Variants in WWOX observed in about 807,000 individuals in gnomAD.
The protein encoded by WWOX is WW domain containing oxidoreductase, also known as WW domain-containing oxidoreductase.
Under a neutral mutation model 46.2 loss-of-function variants are expected in WWOX, and 69 were observed. The ratio of observed to expected loss-of-function variants is 1.49; its 90% confidence interval spans 1.23 to 1.82. WWOX has a LOEUF of 1.82. Among genes scored for constraint, WWOX ranks in the 40% most tolerant of loss-of-function variants. The pLI is 0.00. For synonymous variants in WWOX, 359 were observed against 202.6 expected, an observed-to-expected ratio of 1.77 and a Z score of -6.56; for missense variants, 919 against 542.6, an observed-to-expected ratio of 1.69 and a Z score of -6.89.
intron 6 of WWOX, among the ~76,000 whole-genome samples, chr16:78,397,411 T>C (rs890328451): frequency 6.6e-6 from 1 of 152,196 alleles, no homozygotes; most frequent in African/African-American, 2.4e-5. Flanking sequence ...GGCAGAAGAA[T>C]GGCAGTGTTT....
chr16:79,209,389 G>A (rs1268496353), intron 8 of WWOX, among the ~76,000 whole-genome samples: 2 of 152,202 alleles, frequency 1.3e-5, no homozygotes, highest in Non-Finnish European at 2.9e-5. Flanking sequence ...ATCAGGTTAG[G>A]AAGAATTCTG....
chr16:78,116,854 A>G (rs183081481), intron 4 of WWOX, among the ~76,000 whole-genome samples: 1 of 152,326 alleles, frequency 6.6e-6, no homozygotes, highest in East Asian at 1.9e-4. Flanking sequence ...AATGAGTAAG[A>G]TATGTGACTA....
At chr16:79,164,705 T>C (rs1597436934) in intron 8 of WWOX, among the ~76,000 whole-genome samples, 1 of 152,342 alleles carries the variant, frequency 6.6e-6, no homozygotes, top group Admixed American at 6.5e-5. Context: ...AATTAAATAC[T>C]GGAGTGTCAG....
At chr16:78,359,843 A>T (rs2081372141) in intron 5 of WWOX, among the ~76,000 whole-genome samples, 1 of 152,180 alleles carries the variant, frequency 6.6e-6, no homozygotes, top group Non-Finnish European at 1.5e-5. Context: ...GGGAGAGGTG[A>T]CTATGGACTT....
At chr16:78,484,154 AT>A (rs2084568738) in intron 8 of WWOX, among the ~76,000 whole-genome samples, 1 of 152,204 alleles carries the variant, frequency 6.6e-6, no homozygotes. Context: ...GTATAAACAT[AT>A]GAATTTGTAG....
At chr16:79,107,042 C>G (rs950660189) in intron 8 of WWOX, among the ~76,000 whole-genome samples, 17 of 152,046 alleles carry the variant, frequency 1.1e-4, no homozygotes, top group African/African-American at 3.6e-4. Context: ...ATCTCCTGAC[C>G]TCAGGTGATG....
In WWOX at chr16:78,387,017, C is replaced by G. The variant is rs1157670178; in HGVS notation, c.605+69C>G. 7.5e-6 allele frequency: 11 copies of G among 1,470,278 alleles called. No homozygotes were observed. In the Admixed American group the frequency reaches 1.8e-4, roughly 25 times the overall value. 91.1% of individuals were successfully genotyped at this position (1,470,278 alleles called of 1,614,324 possible). Reference sequence around the variant, plus strand: ...TTGTAATATCTTTATCAGATGAACACAATTGGGAGAATGCAAGGCTGTTGT... The same window carrying G: ...TTGTAATATCTTTATCAGATGAACAGAATTGGGAGAATGCAAGGCTGTTGT... On this transcript the variant is annotated intron_variant, in intron 6 of 8. Coordinates refer to ENST00000566780, the MANE Select transcript of WWOX (RefSeq NM_016373.4).
intron 5 of WWOX, among the ~76,000 whole-genome samples, chr16:78,229,502 A>G (rs1440503705): frequency 9.4e-6 from 1 of 105,930 alleles, no homozygotes; most frequent in East Asian, 3.3e-4. Flanking sequence ...ATATTTATCT[A>G]TATCTATATA....
At chr16:78,203,753 G>C (rs530078434) in intron 5 of WWOX, among the ~76,000 whole-genome samples, 1 of 152,174 alleles carries the variant, frequency 6.6e-6, no homozygotes, top group Non-Finnish European at 1.5e-5. Context: ...CAATGTTCAA[G>C]AAGGTCTTGG....
chr16:78,671,477 C>T (rs1400126570), intron 8 of WWOX, among the ~76,000 whole-genome samples: 1 of 152,156 alleles, frequency 6.6e-6, no homozygotes, highest in African/African-American at 2.4e-5. Flanking sequence ...AGACAATTTG[C>T]CTGTGGCCCT....
intron 8 of WWOX, among the ~76,000 whole-genome samples, chr16:78,886,710 T>C (rs1251005400): frequency 2.0e-5 from 3 of 150,606 alleles, no homozygotes; most frequent in African/African-American, 4.9e-5. Flanking sequence ...GAAAAACATA[T>C]AGAGAAAGAA....
intron 8 of WWOX, among the ~76,000 whole-genome samples, chr16:78,875,233 G>A (rs751844003): frequency 1.3e-5 from 2 of 152,076 alleles, no homozygotes; most frequent in African/African-American, 2.4e-5. Flanking sequence ...AGTGTTGGAT[G>A]TTCACCGCTT....
At chr16:79,028,247 C>T (rs1303716868) in intron 8 of WWOX, among the ~76,000 whole-genome samples, 1 of 151,874 alleles carries the variant, frequency 6.6e-6, no homozygotes, top group Non-Finnish European at 1.5e-5. Flanking sequence ...CCACGCCCGA[C>T]TGCTTTATTT....
intron 8 of WWOX, among the ~76,000 whole-genome samples, chr16:79,063,067 T>C (rs1376038343): frequency 6.6e-6 from 1 of 152,192 alleles, no homozygotes; most frequent in Non-Finnish European, 1.5e-5. Flanking sequence ...ACCATTATAC[T>C]GTTTGAAAGT....
At chr16:78,511,234 C>T (rs2085352706) in intron 8 of WWOX, among the ~76,000 whole-genome samples, 1 of 152,216 alleles carries the variant, frequency 6.6e-6, no homozygotes, top group Non-Finnish European at 1.5e-5. Flanking sequence ...CTCCCCAGCG[C>T]ACACATCACC....
At chr16:78,957,789 G>A (rs1029457225) in intron 8 of WWOX, among the ~76,000 whole-genome samples, 4 of 152,196 alleles carry the variant, frequency 2.6e-5, no homozygotes, top group African/African-American at 9.6e-5. Flanking sequence ...GGACTCTCTT[G>A]TCCTGTTTTA....
intron 5 of WWOX, among the ~76,000 whole-genome samples, chr16:78,297,135 A>G (rs4569296): frequency 0.71 from 107,897 of 152,014 alleles, 39,057 homozygotes; most frequent in East Asian, 1. Context: ...TTCGTTTGGT[A>G]TCCTGGGGAG....
At position 78,422,672 on chromosome 16, in the gene WWOX, TATATATATATATACAC is replaced by T. The variant is rs113924559; in HGVS notation, c.606-2196_606-2181del. ...CCTGTTTTTTTTACATGTATATATA[TATATATATATATACAC>T]ACACACACACACATATATATATACA... is the stretch of plus-strand genomic sequence containing the variant. On this transcript the variant is annotated intron_variant, in intron 6 of 8. Coordinates refer to ENST00000566780, the MANE Select transcript of WWOX (RefSeq NM_016373.4). Among the ~76,000 whole-genome samples the T allele has an allele frequency of 9.3e-3, 606 of 65,400 alleles. 7 individuals are homozygous for T. The highest frequency in any genetic ancestry group is 0.037 in the African/African-American group (571 of 15,386). 42.9% of individuals were successfully genotyped at this position (65,400 alleles called of 152,430 possible). A position where few individuals can be genotyped will look rare whatever the true frequency, so the allele number is the denominator to read the frequency against.
At chr16:78,518,012 T>G (rs1228292818) in intron 8 of WWOX, among the ~76,000 whole-genome samples, 4 of 151,954 alleles carry the variant, frequency 2.6e-5, no homozygotes, top group Non-Finnish European at 5.9e-5. Context: ...TGGTTTGTAT[T>G]CCAGCCCCCA....
Sources: allele counts gnomAD v4.1 joint callset (sites outside exome capture counted in the v4.1 genomes callset), GRCh38; gene constraint gnomAD v4.1.1; transcripts MANE v1.5; gene names NCBI Gene and HGNC (gene_info 2026-07-23, HGNC 2026-07-21).